KGD4: variants seen among roughly 807,000 people sequenced by gnomAD.
The protein encoded by KGD4 is alpha-ketoglutarate dehydrogenase subunit 4, also known as alpha-ketoglutarate dehydrogenase component 4.
At chr5:69,223,064 C>T in the KGD4 span, among the ~76,000 whole-genome samples, 14 of 133,662 alleles carry the variant, frequency 1.0e-4, no homozygotes, top group African/African-American at 3.7e-4. Flanking sequence ...GCGTGAGTCA[C>T]GGTGCGCAGC....
the KGD4 span, among the ~76,000 whole-genome samples, chr5:69,225,893 GT>G: frequency 1.3e-5 from 2 of 151,884 alleles, no homozygotes; most frequent in African/African-American, 4.8e-5. Context: ...TTTTCTTTTT[GT>G]TTTTGTTTTA....
chr5:69,223,074 C>CCTTTTTT, the KGD4 span, among the ~76,000 whole-genome samples: 1 of 59,128 alleles, frequency 1.7e-5, no homozygotes, highest in Non-Finnish European at 2.8e-5. Context: ...CGGTGCGCAG[C>CCTTTTTT]TTTTTTTTTT....
chr5:69,221,968 A>C, the KGD4 span, among the ~76,000 whole-genome samples: 4 of 28,770 alleles, frequency 1.4e-4, no homozygotes, highest in African/African-American at 8.7e-4. Context: ...GGAGTTCGAG[A>C]CCAGCCTGGC....
At chr5:69,221,204 A>G in the KGD4 span, among the ~76,000 whole-genome samples, 720 of 151,896 alleles carry the variant, frequency 4.7e-3, 3 homozygotes, top group Non-Finnish European at 8.3e-3. Context: ...AAAAAAAAAA[A>G]ATTAGCCAGG....
chr5:69,223,401 A>G, the KGD4 span, among the ~76,000 whole-genome samples: 1 of 151,726 alleles, frequency 6.6e-6, no homozygotes, highest in Non-Finnish European at 1.5e-5. Context: ...AGCATGGAAG[A>G]CTTGAGCATG....
the KGD4 span, chr5:69,228,333 A>G: frequency 6.2e-7 from 1 of 1,601,412 alleles, no homozygotes; most frequent in South Asian, 1.2e-5. Flanking sequence ...TAAAAACATT[A>G]CCTCAGAAAT....
the KGD4 span, chr5:69,229,399 G>C: frequency 3.7e-6 from 2 of 543,794 alleles, no homozygotes; most frequent in Non-Finnish European, 6.4e-6. Context: ...ATCTTGGTCA[G>C]CTTCTCCACA....
chr5:69,229,240 G>C, the KGD4 span: 1 of 1,607,556 alleles, frequency 6.2e-7, no homozygotes, highest in Non-Finnish European at 8.5e-7. Flanking sequence ...GGTGGCTGCT[G>C]TTTGTCATCA....
the KGD4 span, among the ~76,000 whole-genome samples, chr5:69,224,314 C>G: frequency 2.0e-5 from 3 of 151,356 alleles, no homozygotes; most frequent in Non-Finnish European, 2.9e-5. Flanking sequence ...TTGCTTGAAC[C>G]TGGGAGGCGG....
the KGD4 span, chr5:69,228,296 A>G: frequency 6.2e-7 from 1 of 1,609,554 alleles, no homozygotes; most frequent in Non-Finnish European, 8.5e-7. Context: ...CTGATGTATC[A>G]GGGTCCACCA....
chr5:69,219,453 C>T, the KGD4 span, among the ~76,000 whole-genome samples: 2 of 152,288 alleles, frequency 1.3e-5, no homozygotes, highest in Admixed American at 6.5e-5. Context: ...GGGTCCCTGG[C>T]TCTATTTCTG....
At chr5:69,225,262 A>ATTTTT in the KGD4 span, among the ~76,000 whole-genome samples, 1 of 104,302 alleles carries the variant, frequency 9.6e-6, no homozygotes, top group Non-Finnish European at 1.9e-5. Context: ...ATAGCACCAC[A>ATTTTT]TTTTTTTTTT....
chr5:69,226,269 TA>T, the KGD4 span: 100 of 1,056,366 alleles, frequency 9.5e-5, no homozygotes, highest in Middle Eastern at 9.1e-4. Flanking sequence ...CGTATCTACT[TA>T]TGAGGTTTAG....
chr5:69,229,150 A>ATTT, the KGD4 span: 1 of 1,496,330 alleles, frequency 6.7e-7, no homozygotes. Context: ...ATTGCCATCA[A>ATTT]AACATTTCCT....
At chr5:69,227,877 G>A in the KGD4 span, among the ~76,000 whole-genome samples, 1 of 152,204 alleles carries the variant, frequency 6.6e-6, no homozygotes. Context: ...ACAGGCTGAG[G>A]TGGGATGGCT....
the KGD4 span, chr5:69,229,368 C>T: frequency 1.6e-6 from 1 of 617,270 alleles, no homozygotes; most frequent in Non-Finnish European, 2.7e-6. Context: ...TAGATGGACA[C>T]TTGTATTTCC....
the KGD4 span, chr5:69,229,872 G>C: frequency 6.6e-6 from 1 of 151,830 alleles, no homozygotes; most frequent in Admixed American, 6.6e-5. Context: ...AGATCAAAAT[G>C]AATATAGCAT....
At chr5:69,221,627 A>G in the KGD4 span, among the ~76,000 whole-genome samples, 1 of 152,208 alleles carries the variant, frequency 6.6e-6, no homozygotes, top group Non-Finnish European at 1.5e-5. Flanking sequence ...AATGGATCCT[A>G]GACCTAAATG....
chr5:69,218,470 ATGTGTG>A, the KGD4 span, among the ~76,000 whole-genome samples: 20,845 of 148,556 alleles, frequency 0.14, 1,529 homozygotes, highest in African/African-American at 0.19. Flanking sequence ...GTGTATATTA[ATGTGTG>A]TGTGTGTGTG....
Sources: allele counts gnomAD v4.1 joint callset (sites outside exome capture counted in the v4.1 genomes callset), GRCh38; gene constraint gnomAD v4.1.1; transcripts MANE v1.5; gene names NCBI Gene and HGNC (gene_info 2026-07-23, HGNC 2026-07-21).